The following TRAT1 variants were observed in gnomAD, a reference collection of about 807,000 sequenced individuals.
TRAT1 encodes T cell receptor associated transmembrane adaptor 1.
Under a neutral mutation model 20.0 loss-of-function variants are expected in TRAT1, and 20 were observed. The ratio of observed to expected loss-of-function variants is 1.00; its 90% CI spans 0.70 to 1.45. TRAT1 has a LOEUF of 1.45. Ranked by LOEUF, TRAT1 falls within the 40% of genes most tolerant of loss-of-function variation. TRAT1 has a pLI of 0.00. For missense variants in TRAT1, 237 were observed against 224.1 expected, an observed-to-expected ratio of 1.06 and a Z score of -0.37; for synonymous variants, 77 against 74.2, an observed-to-expected ratio of 1.04 and a Z score of -0.20.
In TRAT1 at chr3:108,854,607, C is replaced by G. The variant is rs1043009476; in HGVS notation, c.*730C>G. ...TCAGTTGTTTCTTTTTATTTTGAAC[C>G]AAAAATGTGGTTTCTTTTGTACACA... is the stretch of plus-strand genomic sequence containing the variant. On this transcript the variant is annotated 3_prime_UTR_variant, in exon 6 of 6. Transcript: ENST00000295756. 2.0e-5 allele frequency: 3 copies of G among 151,890 alleles called. No individual in the cohort carries two copies. The highest frequency in any genetic ancestry group is 7.3e-5 in the African/African-American group (3 of 41,370). 9.4% of individuals were successfully genotyped at this position (151,890 alleles called of 1,614,324 possible). A position where few individuals can be genotyped will look rare whatever the true frequency, so the allele number is the denominator to read the frequency against.
At chr3:108,837,009 CTTAT>C (rs1559822179) in intron 2 of TRAT1, among the ~76,000 whole-genome samples, 2 of 152,162 alleles carry the variant, frequency 1.3e-5, no homozygotes, top group Non-Finnish European at 2.9e-5. Context: ...TATGTCATGT[CTTAT>C]TTATCAGTTT....
intron 5 of TRAT1, among the ~76,000 whole-genome samples, chr3:108,852,014 C>G (rs6805514): frequency 0.02 from 2,980 of 152,236 alleles, 90 homozygotes; most frequent in African/African-American, 0.064. Context: ...AGTTAGGCAG[C>G]TATTACAATT....
At chr3:108,848,355 G>C (rs1395824897) in intron 4 of TRAT1, among the ~76,000 whole-genome samples, 2 of 152,186 alleles carry the variant, frequency 1.3e-5, no homozygotes, top group Non-Finnish European at 2.9e-5. Flanking sequence ...TGATTATTAA[G>C]TCGCTTTTCT....
chr3:108,827,970 A>C (rs577534569), intron 1 of TRAT1, among the ~76,000 whole-genome samples: 42 of 152,306 alleles, frequency 2.8e-4, no homozygotes, highest in South Asian at 1.2e-3. Flanking sequence ...TTGTCTTCTT[A>C]TAGCAATTAA....
Position 108,842,397 on chromosome 3 carries a change from A to T in TRAT1, c.152+3430A>T, listed in dbSNP as rs190035112. Among the ~76,000 whole-genome samples the T allele has an allele frequency of 7.2e-5, 11 of 152,260 alleles. No homozygotes were observed. The East Asian group carries it at 2.1e-3, about 29-fold the overall frequency. ...CATCTGTCCTCTTCACCCATTCTCA[A>T]GGTTGAGAATCCTTATGACAAGAGA... On this transcript the variant is annotated intron_variant, in intron 3 of 5. Coordinates refer to ENST00000295756, the MANE Select transcript of TRAT1 (RefSeq NM_016388.4).
rs769152573 is a variant in TRAT1 at position 108,853,776 on chromosome 3, G to C, written c.460G>C (p.Asp154His). Residue 154 changes from aspartate to histidine, a missense_variant, in exon 6 of 6, where the codon GAC (aspartate) becomes CAC (histidine). Transcript: ENST00000295756. ...CAGCGTTTCTAAGACCACCTTAGTA[G>C]ACAGTTTCTCCCCAGAAAGCCAGGC... The part of the protein sequence containing the change: ...DASVSKTTLV[D>H]SFSPESQAVE... 2 of 1,614,146 alleles carry C rather than the reference G, an allele frequency of 1.2e-6. No individual in the cohort carries two copies. Among genetic ancestry groups the C allele is most frequent in the East Asian group, 4.5e-5 (2 of 44,878 alleles).
chr3:108,837,375 A>C (rs1447102465), intron 2 of TRAT1, among the ~76,000 whole-genome samples: 1 of 152,198 alleles, frequency 6.6e-6, no homozygotes, highest in African/African-American at 2.4e-5. Flanking sequence ...AATTCTTCCA[A>C]ACACATTGAC....
intron 3 of TRAT1, among the ~76,000 whole-genome samples, chr3:108,840,978 A>G (rs1397464219): frequency 6.6e-6 from 1 of 152,234 alleles, no homozygotes; most frequent in East Asian, 1.9e-4. Context: ...AAGGGGCAAC[A>G]TGATATGCTG....
chr3:108,848,357 C>T (rs144647319), intron 4 of TRAT1, among the ~76,000 whole-genome samples: 43 of 152,320 alleles, frequency 2.8e-4, no homozygotes, highest in Admixed American at 1.2e-3. Context: ...ATTATTAAGT[C>T]GCTTTTCTTA....
At chr3:108,847,039 A>G (rs778553696) in intron 3 of TRAT1, 29 bp from the exon 4 acceptor site, 3 of 1,308,770 alleles carry the variant, frequency 2.3e-6, no homozygotes, top group Non-Finnish European at 3.3e-6. Flanking sequence ...GTGGAATCTA[A>G]TAAGGTAAAT....
At chr3:108,833,807 C>CAA (rs1298055278) in intron 2 of TRAT1, among the ~76,000 whole-genome samples, 1 of 151,254 alleles carries the variant, frequency 6.6e-6, no homozygotes, top group Non-Finnish European at 1.5e-5. Context: ...ATTACACACA[C>CAA]ACACACACAC....
At chr3:108,827,223 T>C (rs1269757754) in intron 1 of TRAT1, among the ~76,000 whole-genome samples, 3 of 152,164 alleles carry the variant, frequency 2.0e-5, no homozygotes, top group Admixed American at 1.3e-4. Flanking sequence ...TGAATATTGA[T>C]ACTAAAGGTT....
At chr3:108,827,598 C>G (rs1163757865) in intron 1 of TRAT1, among the ~76,000 whole-genome samples, 1 of 152,000 alleles carries the variant, frequency 6.6e-6, no homozygotes, top group Non-Finnish European at 1.5e-5. Flanking sequence ...AAAAATCTTC[C>G]TGTTTAAAAT....
At chr3:108,829,044 T>C (rs1225690639) in intron 1 of TRAT1, among the ~76,000 whole-genome samples, 1 of 152,144 alleles carries the variant, frequency 6.6e-6, no homozygotes, top group Non-Finnish European at 1.5e-5. Flanking sequence ...CCAAAGTATA[T>C]ACTATAGAAA....
chr3:108,851,268 G>C (rs1044637585), intron 5 of TRAT1, among the ~76,000 whole-genome samples: 4 of 152,158 alleles, frequency 2.6e-5, no homozygotes, highest in African/African-American at 9.7e-5. Context: ...TGAAAATGAT[G>C]TGTACAGTTC....
intron 2 of TRAT1, among the ~76,000 whole-genome samples, chr3:108,837,947 T>G (rs1235776980): frequency 6.6e-6 from 1 of 152,218 alleles, no homozygotes; most frequent in African/African-American, 2.4e-5. Flanking sequence ...AAATAGCTTT[T>G]GAATTCTTAT....
At chr3:108,829,515 T>A (rs1188683497) in intron 1 of TRAT1, among the ~76,000 whole-genome samples, 30 of 149,948 alleles carry the variant, frequency 2.0e-4, no homozygotes, top group Non-Finnish European at 1.3e-4. Context: ...ACCTGGGAGG[T>A]GGAGGTTGTA....
chr3:108,849,346 T>C, intron 5 of TRAT1, 92 bp downstream of exon 5: 1 of 1,100,410 alleles, frequency 9.1e-7, no homozygotes, highest in Non-Finnish European at 1.3e-6. Context: ...TGTTAGAAAT[T>C]TTGCAATCAA....
intron 2 of TRAT1, among the ~76,000 whole-genome samples, chr3:108,833,328 G>A (rs527756068): frequency 6.4e-4 from 97 of 152,268 alleles, no homozygotes; most frequent in Non-Finnish European, 1.1e-3. Flanking sequence ...TGAGGCAGGA[G>A]AATCGCTTAA....
Sources: allele counts gnomAD v4.1 joint callset (sites outside exome capture counted in the v4.1 genomes callset), GRCh38; gene constraint gnomAD v4.1.1; transcripts MANE v1.5; gene names NCBI Gene and HGNC (gene_info 2026-07-23, HGNC 2026-07-21).